Variants in CAMK2D observed in about 807,000 individuals in gnomAD.
The protein encoded by CAMK2D is calcium/calmodulin dependent protein kinase II delta.
A neutral mutation model predicts 84.0 loss-of-function variants in CAMK2D; 37 were observed. The observed-to-expected ratio is 0.44, with a 90% CI of 0.34 to 0.58. CAMK2D has a LOEUF of 0.58. Among genes scored for constraint, CAMK2D ranks in the 20% least tolerant of loss-of-function variants. The pLI is 0.02. For synonymous variants in CAMK2D, 202 were observed against 212.5 expected (o/e 0.95, Z 0.43); for missense variants, 448 against 652.5 (o/e 0.69, Z 3.41).
intron 4 of CAMK2D, among the ~76,000 whole-genome samples, chr4:113,572,804 A>T (rs1256649893): frequency 6.6e-6 from 1 of 152,200 alleles, no homozygotes; most frequent in Non-Finnish European, 1.5e-5. Context: ...AATGCCCATC[A>T]ATGACAGACT....
At chr4:113,524,564 C>T (rs2098402077) in intron 8 of CAMK2D, among the ~76,000 whole-genome samples, 1 of 152,106 alleles carries the variant, frequency 6.6e-6, no homozygotes, top group African/African-American at 2.4e-5. Flanking sequence ...GGGTTACTTC[C>T]ACCTCCTGGT....
At position 113,645,016 on chromosome 4, in the gene CAMK2D, G is replaced by A. The variant is rs565127231; in HGVS notation, c.220+16697C>T. ...TTTTTTGTTGTTGTTGTTGTTTTTTGTTTTTGTTTTTGTTTTTTGAGACGG... is the reference window on the plus strand; with the variant it reads ...TTTTTTGTTGTTGTTGTTGTTTTTTATTTTTGTTTTTGTTTTTTGAGACGG... On this transcript the variant is annotated intron_variant, in intron 3 of 20. Coordinates refer to ENST00000511664, the MANE Select transcript of CAMK2D (RefSeq NM_001321571.2). 2.0e-4 allele frequency among the ~76,000 whole-genome samples: 30 copies of A among 151,912 alleles called. No individual in the cohort carries two copies. In the East Asian group the frequency reaches 2.7e-3, roughly 14 times the overall value.
At chr4:113,509,815 TG>T (rs1372470362) in intron 12 of CAMK2D, 140 bp from the exon 13 acceptor site, 2 of 647,328 alleles carry the variant, frequency 3.1e-6, no homozygotes, top group Non-Finnish European at 5.6e-6. Flanking sequence ...AAAGTCACAC[TG>T]ATGAACGCGA....
At chr4:113,742,528 C>T (rs945532997) in intron 2 of CAMK2D, among the ~76,000 whole-genome samples, 7 of 150,594 alleles carry the variant, frequency 4.6e-5, no homozygotes, top group African/African-American at 1.7e-4. Context: ...CAACATCAAA[C>T]ACATTCTAAT....
intron 16 of CAMK2D, among the ~76,000 whole-genome samples, chr4:113,476,215 C>T (rs571713265): frequency 6.6e-6 from 1 of 152,092 alleles, no homozygotes; most frequent in African/African-American, 2.4e-5. Flanking sequence ...GTAGCTTTCT[C>T]AGATGTCAGA....
chr4:113,629,613 A>G (rs527794629), intron 3 of CAMK2D, among the ~76,000 whole-genome samples: 15 of 152,200 alleles, frequency 9.9e-5, no homozygotes, highest in Non-Finnish European at 1.6e-4. Context: ...AAGGGTCATA[A>G]TGCACAGTTT....
At chr4:113,675,454 C>T (rs1037678230) in intron 2 of CAMK2D, among the ~76,000 whole-genome samples, 5 of 152,160 alleles carry the variant, frequency 3.3e-5, no homozygotes, top group African/African-American at 1.2e-4. Flanking sequence ...TAAAAGTTTA[C>T]AAACATGAAT....
chr4:113,548,557 G>A (rs2098600790), intron 5 of CAMK2D: 1 of 584,816 alleles, frequency 1.7e-6, no homozygotes, highest in East Asian at 3.0e-5. Flanking sequence ...AACAAGTTGG[G>A]AAAGGCAAGG....
rs191652913 is a variant in CAMK2D at position 113,452,352 on chromosome 4, C to A, written c.*2193G>T. 347 of 152,314 alleles carry A rather than the reference C, an allele frequency of 2.3e-3. No individual in the cohort carries two copies. Among genetic ancestry groups the A allele is most frequent in the Non-Finnish European group, 3.8e-3 (259 of 68,012 alleles). 9.4% of individuals were successfully genotyped at this position (152,314 alleles called of 1,614,324 possible). A position where few individuals can be genotyped will look rare whatever the true frequency, so the allele number is the denominator to read the frequency against. On this transcript the variant is annotated 3_prime_UTR_variant, in exon 21 of 21. Transcript: ENST00000511664. Reference sequence around the variant, plus strand: ...AGAGTAGGACACACTGCCCTTGACACTGGCCAGCACTATGCAGGCATACAT... The same window carrying A: ...AGAGTAGGACACACTGCCCTTGACAATGGCCAGCACTATGCAGGCATACAT...
At chr4:113,514,993 A>T in intron 10 of CAMK2D, 76 bp downstream of exon 10, 1 of 1,313,026 alleles carries the variant, frequency 7.6e-7, no homozygotes, top group Non-Finnish European at 1.1e-6. Context: ...AAGCTATTTT[A>T]AATCCATAAA....
At chr4:113,737,905 A>G (rs888891845) in intron 2 of CAMK2D, among the ~76,000 whole-genome samples, 1 of 152,078 alleles carries the variant, frequency 6.6e-6, no homozygotes, top group Non-Finnish European at 1.5e-5. Context: ...ATCTGGGTCA[A>G]TGAATTTAGG....
At chr4:113,524,026 T>C (rs1396534395) in intron 8 of CAMK2D, among the ~76,000 whole-genome samples, 2 of 151,986 alleles carry the variant, frequency 1.3e-5, no homozygotes, top group Non-Finnish European at 2.9e-5. Flanking sequence ...TGTGCTACCA[T>C]GCCCGGCTAA....
chr4:113,465,629 G>GT, intron 16 of CAMK2D, 25 bp from the exon 17 acceptor site: 1 of 1,429,912 alleles, frequency 7.0e-7, no homozygotes, highest in Non-Finnish European at 9.8e-7. Context: ...ATGGAGTTGG[G>GT]TAAGAATAAA....
chr4:113,617,119 A>G (rs988846388), intron 3 of CAMK2D, among the ~76,000 whole-genome samples: 2 of 151,970 alleles, frequency 1.3e-5, no homozygotes, highest in Non-Finnish European at 2.9e-5. Flanking sequence ...TCTATCTTCC[A>G]CTATGTATTG....
At chr4:113,522,680 C>A (rs974324016) in intron 8 of CAMK2D, among the ~76,000 whole-genome samples, 4 of 152,088 alleles carry the variant, frequency 2.6e-5, no homozygotes, top group Non-Finnish European at 5.9e-5. Context: ...CTGACAGGTA[C>A]AATTACTATA....
At chr4:113,581,529 A>AAAAAAAAAAAAAGAAAAAG (rs373642282) in intron 4 of CAMK2D, among the ~76,000 whole-genome samples, 1 of 121,878 alleles carries the variant, frequency 8.2e-6, no homozygotes, top group Non-Finnish European at 1.6e-5. Flanking sequence ...AAAAAAAAAA[A>AAAAAAAAAAAAAGAAAAAG]AAAAGAAAAG....
rs114014371 is a variant in CAMK2D at position 113,531,849 on chromosome 4, A to C, written c.518-550T>G. ...GTAAGAAAAACTAGATGGGGAAAGA[A>C]AACTTCATATTATACATATTGGTAT... On this transcript the variant is annotated intron_variant, in intron 7 of 20. Coordinates refer to ENST00000511664, the MANE Select transcript of CAMK2D (RefSeq NM_001321571.2). Among the ~76,000 whole-genome samples the C allele has an allele frequency of 3.6e-3, 554 of 152,308 alleles. 4 individuals are homozygous for C. The highest frequency in any genetic ancestry group is 0.012 in the African/African-American group (516 of 41,578).
At chr4:113,585,314 C>G (rs923113609) in intron 4 of CAMK2D, among the ~76,000 whole-genome samples, 1 of 152,112 alleles carries the variant, frequency 6.6e-6, no homozygotes, top group African/African-American at 2.4e-5. Context: ...TTCAGATTTG[C>G]AGTTGAACCT....
intron 2 of CAMK2D, among the ~76,000 whole-genome samples, chr4:113,683,512 A>G (rs1184875586): frequency 6.6e-6 from 1 of 152,228 alleles, no homozygotes; most frequent in Admixed American, 6.5e-5. Flanking sequence ...GGAGTTACTT[A>G]TTAAGTGCTA....
Sources: allele counts gnomAD v4.1 joint callset (sites outside exome capture counted in the v4.1 genomes callset), GRCh38; gene constraint gnomAD v4.1.1; transcripts MANE v1.5; gene names NCBI Gene and HGNC (gene_info 2026-07-23, HGNC 2026-07-21).